The following MPRIP variants were observed in gnomAD, a reference collection of about 807,000 sequenced individuals.
The protein encoded by MPRIP is myosin phosphatase Rho interacting protein.
A neutral mutation model predicts 234.9 loss-of-function variants in MPRIP; 59 were observed. That is an observed-to-expected ratio of 0.25 (90% CI 0.20 to 0.31). The LOEUF (loss-of-function observed/expected upper bound fraction) is 0.31. Among genes scored for constraint, MPRIP ranks in the 10% least tolerant of loss-of-function variants. MPRIP has a pLI of 1.00. For missense variants in MPRIP, 2,436 were observed against 3,071.0 expected, an observed-to-expected ratio of 0.79 and a Z score of 4.89; for synonymous variants, 1,144 against 1,263.9, an observed-to-expected ratio of 0.91 and a Z score of 2.01.
chr17:17,171,627 A>G (rs2046136708), intron 16 of MPRIP, 91 bp from the exon 17 acceptor site: 2 of 1,506,024 alleles, frequency 1.3e-6, no homozygotes, highest in African/African-American at 2.8e-5. Flanking sequence ...CTGGGCCTGG[A>G]CAGGGTGGGA....
rs191374557 is a variant in MPRIP at position 17,137,231 on chromosome 17, G to C, written c.737-685G>C. 2.0e-3 allele frequency among the ~76,000 whole-genome samples: 303 copies of C among 152,218 alleles called. 6 individuals carry two copies. The East Asian group carries it at 0.048, about 24-fold the overall frequency. On this transcript the variant is annotated intron_variant, in intron 6 of 23. Transcript: ENST00000651222. ...ACCAGAATGCATTAAAAGACTGAAG[G>C]GGCCGGGCATGGTGGCTCACGCCTA...
rs1246190321 is a variant in MPRIP at position 17,138,115 on chromosome 17, T to C, written c.936T>C (p.Gly312=). 5 of 1,516,888 alleles carry C rather than the reference T, an allele frequency of 3.3e-6. No homozygotes were observed. Among genetic ancestry groups the C allele is most frequent in the Non-Finnish European group, 3.6e-6 (4 of 1,125,656 alleles). 94.0% of individuals were successfully genotyped at this position (1,516,888 alleles called of 1,614,324 possible). ...AGTCGCCCTCCCAGGAGCTCGGTGGTCCTCTTCCTTCCCCAGGTCCTCGAC... is the reference window on the plus strand; with the variant it reads ...AGTCGCCCTCCCAGGAGCTCGGTGGCCCTCTTCCTTCCCCAGGTCCTCGAC... ...CPESPSQELG[G]PLPSPGPRLP... Residue 312 remains glycine, a synonymous_variant, in exon 7 of 24, where the codon GGT becomes GGC. Coordinates refer to ENST00000651222, the MANE Select transcript of MPRIP (RefSeq NM_001364716.4). The surrounding 1 kb of genome is among the most constrained non-coding windows in gnomAD (Gnocchi z 5.8).
At chr17:17,127,572 G>A (rs2090517409) in intron 4 of MPRIP, among the ~76,000 whole-genome samples, 1 of 152,256 alleles carries the variant, frequency 6.6e-6, no homozygotes, top group Non-Finnish European at 1.5e-5. Context: ...GTGAAAAGCC[G>A]TACATAGTCC....
At chr17:17,113,070 G>A (rs576350510) in intron 3 of MPRIP, among the ~76,000 whole-genome samples, 1 of 152,188 alleles carries the variant, frequency 6.6e-6, no homozygotes, top group Non-Finnish European at 1.5e-5. Context: ...GGTTGGGGCT[G>A]GAACTGTTTC....
chr17:17,121,541 G>A (rs148620625), intron 3 of MPRIP, among the ~76,000 whole-genome samples: 24 of 152,382 alleles, frequency 1.6e-4, no homozygotes, highest in Non-Finnish European at 2.8e-4. Flanking sequence ...GGGCATGGGC[G>A]CAAACATGAG....
At chr17:17,144,899 G>A (rs1320828312) in intron 9 of MPRIP, among the ~76,000 whole-genome samples, 1 of 152,234 alleles carries the variant, frequency 6.6e-6, no homozygotes, top group Non-Finnish European at 1.5e-5. Flanking sequence ...TCAGAGAGGG[G>A]GCAGGTGGCA....
intron 3 of MPRIP, among the ~76,000 whole-genome samples, chr17:17,124,948 G>A (rs2090462400): frequency 6.6e-6 from 1 of 152,236 alleles, no homozygotes; most frequent in Non-Finnish European, 1.5e-5. Flanking sequence ...TCCTGTGGCT[G>A]TGGCCATAGC....
intron 3 of MPRIP, among the ~76,000 whole-genome samples, chr17:17,079,602 G>A (rs1456431182): frequency 6.6e-6 from 1 of 152,164 alleles, no homozygotes; most frequent in Non-Finnish European, 1.5e-5. Context: ...TCCTGCAATT[G>A]ACTTAACAGT....
At chr17:17,101,564 C>CT in intron 3 of MPRIP, among the ~76,000 whole-genome samples, 1 of 151,694 alleles carries the variant, frequency 6.6e-6, no homozygotes, top group East Asian at 1.9e-4. Context: ...GAGTGAAACT[C>CT]CATCTCAAAA....
At chr17:17,051,122 T>G (rs1376769248) in intron 1 of MPRIP, among the ~76,000 whole-genome samples, 1 of 152,248 alleles carries the variant, frequency 6.6e-6, no homozygotes, top group East Asian at 1.9e-4. Flanking sequence ...GGGGAGTTCC[T>G]GAGCCCCCCA....
chr17:17,173,477 CCTG>C (rs1161223853), intron 18 of MPRIP, among the ~76,000 whole-genome samples: 20 of 152,198 alleles, frequency 1.3e-4, no homozygotes, highest in Non-Finnish European at 1.5e-5. Context: ...CCCTGGTTCA[CCTG>C]CAGGAGGACG....
intron 4 of MPRIP, 37 bp downstream of exon 4, chr17:17,126,890 C>T (rs765894414): frequency 2.3e-5 from 36 of 1,599,434 alleles, no homozygotes; most frequent in Non-Finnish European, 2.4e-5. Flanking sequence ...GGCACCACCA[C>T]CTGCCACAGG....
intron 7 of MPRIP, among the ~76,000 whole-genome samples, chr17:17,140,194 G>C (rs1342788895): frequency 6.6e-6 from 1 of 152,202 alleles, no homozygotes; most frequent in Non-Finnish European, 1.5e-5. Context: ...TCCAGAGCAG[G>C]ATCAGCTATG....
chr17:17,115,383 C>T (rs921383287), intron 3 of MPRIP, among the ~76,000 whole-genome samples: 2 of 152,322 alleles, frequency 1.3e-5, no homozygotes, highest in Middle Eastern at 3.4e-3. Flanking sequence ...TGAGTTTCCA[C>T]GTCCAGACGT....
At chr17:17,060,214 T>C (rs78013597) in intron 1 of MPRIP, among the ~76,000 whole-genome samples, 4,086 of 152,244 alleles carry the variant, frequency 0.027, 109 homozygotes, top group East Asian at 0.12. Flanking sequence ...GTGTGCCTCA[T>C]GGGCAATGTG....
chr17:17,166,095 G>A lies in MPRIP; in HGVS notation c.4504G>A (p.Ala1502Thr), dbSNP rs560323745. 29 of 1,298,616 alleles carry A rather than the reference G, an allele frequency of 2.2e-5. No homozygotes were observed. The East Asian group carries it at 7.8e-4, about 35-fold the overall frequency. 80.4% of individuals were successfully genotyped at this position (1,298,616 alleles called of 1,614,324 possible). A position where few individuals can be genotyped will look rare whatever the true frequency, so the allele number is the denominator to read the frequency against. Residue 1502 changes from alanine (A) to threonine (T), a missense_variant, in exon 16 of 24, where the codon GCA becomes ACA. By Grantham distance (58) the Ala-to-Thr change is moderately conservative (BLOSUM62 0). Coordinates refer to ENST00000651222, the MANE Select transcript of MPRIP (RefSeq NM_001364716.4). The surrounding 1 kb of genome is among the most constrained non-coding windows in gnomAD (Gnocchi z 4.4). ...CCAGGAGGATGAGCAGGACGCACGC[G>A]CAGCCTCCCTGGCCAGTGTGGAGAG... ...ASQEDEQDARAASLASVESAL... is the reference protein window; with the variant it reads ...ASQEDEQDARTASLASVESAL...
intron 1 of MPRIP, among the ~76,000 whole-genome samples, chr17:17,061,907 T>C (rs550281190): frequency 5.3e-5 from 8 of 152,260 alleles, no homozygotes; most frequent in African/African-American, 1.7e-4. Context: ...TGGGTGTATG[T>C]TCCTGACCTT....
intron 3 of MPRIP, among the ~76,000 whole-genome samples, chr17:17,088,014 C>T (rs2089630677): frequency 3.3e-5 from 5 of 152,266 alleles, no homozygotes; most frequent in Admixed American, 3.3e-4. Flanking sequence ...TACCCACATT[C>T]TCTCTCTGCC....
chr17:17,109,574 T>C (rs1357542464), intron 3 of MPRIP, among the ~76,000 whole-genome samples: 1 of 152,108 alleles, frequency 6.6e-6, no homozygotes, highest in Non-Finnish European at 1.5e-5. Flanking sequence ...CAGAGAGAAG[T>C]GTTTATAGAT....
Sources: allele counts gnomAD v4.1 joint callset (sites outside exome capture counted in the v4.1 genomes callset), GRCh38; gene constraint gnomAD v4.1.1; non-coding constraint Gnocchi (gnomAD v3.1); transcripts MANE v1.5; gene names NCBI Gene and HGNC (gene_info 2026-07-23, HGNC 2026-07-21).